The following NAV1 variants were observed in gnomAD, a reference collection of about 807,000 sequenced individuals.
NAV1 encodes neuron navigator 1.
In NAV1, 18 loss-of-function variants were observed where a neutral mutation model predicts 175.2. The observed-to-expected ratio is 0.10, with a 90% CI of 0.07 to 0.15. NAV1 has a LOEUF of 0.15. NAV1 is among the 10% of genes least tolerant of loss of function. The probability of loss-of-function intolerance (pLI) is 1.00; values close to 1 mark genes in which losing one functional copy is unlikely to be tolerated. For missense variants in NAV1, 1,731 were observed against 2,436.6 expected, an observed-to-expected ratio of 0.71 and a Z score of 6.10; for synonymous variants, 897 against 978.7, an observed-to-expected ratio of 0.92 and a Z score of 1.56.
chr1:201,648,815 G>T (rs1478791203), exon 1 of NAV1: 16 of 1,573,388 alleles, frequency 1.0e-5, no homozygotes, highest in Non-Finnish European at 1.2e-5. Flanking sequence ...GCGCCAAGGC[G>T]CCCGGCGGCG....
chr1:201,652,556 A>G (rs1442896124), intron 1 of NAV1, among the ~76,000 whole-genome samples: 3 of 152,202 alleles, frequency 2.0e-5, no homozygotes, highest in South Asian at 2.1e-4. Context: ...GAAAGGCCAC[A>G]AGGCCCTTGG....
intron 3 of NAV1, among the ~76,000 whole-genome samples, chr1:201,746,993 C>CAAA (rs35001839): frequency 7.5e-6 from 1 of 132,790 alleles, no homozygotes; most frequent in African/African-American, 2.9e-5. Flanking sequence ...GACCCTGTCT[C>CAAA]AAAAAAAAAA....
chr1:201,664,532 A>G (rs1465818653), intron 1 of NAV1, among the ~76,000 whole-genome samples: 1 of 152,248 alleles, frequency 6.6e-6, no homozygotes, highest in East Asian at 1.9e-4. Flanking sequence ...CTAGCAAATG[A>G]AAAGCGCCCC....
chr1:201,540,859 C>T (rs541331787), intron 1 of NAV1, among the ~76,000 whole-genome samples: 1 of 152,302 alleles, frequency 6.6e-6, no homozygotes, highest in East Asian at 1.9e-4. Context: ...ATGTCTCTGT[C>T]CTGGTTTTCA....
At chr1:201,599,096 C>A (rs1208149782) in intron 2 of NAV1, among the ~76,000 whole-genome samples, 1 of 152,218 alleles carries the variant, frequency 6.6e-6, no homozygotes, top group Non-Finnish European at 1.5e-5. Flanking sequence ...CAGTCACCCA[C>A]CCTGACAGCC....
At chr1:201,648,604 G>T in exon 1 of NAV1, 1 of 783,944 alleles carries the variant, frequency 1.3e-6, no homozygotes, top group Non-Finnish European at 1.7e-6. Context: ...CTGCGCTCCC[G>T]CCCCCTGCCC....
intron 2 of NAV1, among the ~76,000 whole-genome samples, chr1:201,604,438 G>T (rs1356445887): frequency 5.9e-5 from 9 of 152,172 alleles, no homozygotes; most frequent in Admixed American, 1.3e-4. Flanking sequence ...TAACACTTTG[G>T]GAGGCCGAGG....
chr1:201,698,743 A>C (rs1671288853), intron 1 of NAV1, among the ~76,000 whole-genome samples: 1 of 152,212 alleles, frequency 6.6e-6, no homozygotes, highest in African/African-American at 2.4e-5. Context: ...GGTTCTGCGA[A>C]AGGAAGTGAT....
intron 1 of NAV1, among the ~76,000 whole-genome samples, chr1:201,546,918 A>AG (rs1665689307): frequency 6.6e-6 from 1 of 151,958 alleles, no homozygotes; most frequent in Admixed American, 6.6e-5. Flanking sequence ...AAAAAAAAAA[A>AG]AAAGTAATTT....
chr1:201,725,075 G>A (rs1672545168), intron 3 of NAV1, among the ~76,000 whole-genome samples: 1 of 152,190 alleles, frequency 6.6e-6, no homozygotes, highest in African/African-American at 2.4e-5. Flanking sequence ...AGAAGGAGCT[G>A]CATTCACTGC....
intron 3 of NAV1, among the ~76,000 whole-genome samples, chr1:201,739,103 CTG>C (rs1158181642): frequency 2.0e-5 from 3 of 152,162 alleles, no homozygotes; most frequent in African/African-American, 7.2e-5. Flanking sequence ...CTGGATCCCA[CTG>C]TTTTTTTCCT....
chr1:201,803,793 T>A, intron 16 of NAV1, 79 bp downstream of exon 20: 1 of 1,535,832 alleles, frequency 6.5e-7, no homozygotes, highest in African/African-American at 1.4e-5. Flanking sequence ...ATCGAATCCT[T>A]CCAGGATTAA....
At chr1:201,733,425 A>G (rs1224733016) in intron 3 of NAV1, 4 of 152,336 alleles carry the variant, frequency 2.6e-5, no homozygotes, top group East Asian at 3.9e-4. Context: ...TTGGCAGCAC[A>G]TATACTAAAA....
chr1:201,564,125 A>AGGAG (rs61111615), intron 1 of NAV1, among the ~76,000 whole-genome samples: 43,653 of 148,122 alleles, frequency 0.29, 8,787 homozygotes, highest in African/African-American at 0.57. Context: ...AAAGGAAAGA[A>AGGAG]GGAGGGAGGG....
rs566368402 is a variant in NAV1 at position 201,666,205 on chromosome 1, C to T, written c.757+16780C>T. Among the ~76,000 whole-genome samples the T allele has an allele frequency of 4.6e-5, 7 of 152,250 alleles. No homozygotes were observed. The East Asian group carries it at 7.8e-4, about 17-fold the overall frequency. On this transcript the variant is annotated intron_variant, in intron 1 of 29. Transcript: ENST00000367296. ...CCCATGGAGAAGGCTGGGAAGCCAG[C>T]ACCTCCTTCTCCATCTCTACCTCCC... is the stretch of plus-strand genomic sequence containing the variant.
intron 3 of NAV1, among the ~76,000 whole-genome samples, chr1:201,770,315 A>G (rs1675492102): frequency 6.6e-6 from 1 of 152,124 alleles, no homozygotes; most frequent in Non-Finnish European, 1.5e-5. Flanking sequence ...GAGGAGATGG[A>G]TGCATCAGAG....
chr1:201,648,759 G>T (rs999193114), exon 1 of NAV1: 11 of 1,402,050 alleles, frequency 7.8e-6, no homozygotes, highest in Non-Finnish European at 1.0e-5. Context: ...GCGGGGCGCC[G>T]GCAGGAAGGC....
chr1:201,645,754 G>T (rs546189970), upstream of NAV1, among the ~76,000 whole-genome samples: 4 of 152,214 alleles, frequency 2.6e-5, no homozygotes, highest in African/African-American at 9.6e-5. Flanking sequence ...GTCTGCTAAG[G>T]AGAAGATGAA....
In NAV1 at chr1:201,810,250, T is replaced by A; in HGVS notation, c.4561+145T>A. ...TTAAGTAATGTGAGATATAAAAAGA[T>A]GAGTAAGACCCAGTCCTAACTTTGG... On this transcript the variant is annotated intron_variant, in intron 23 of 29. Coordinates refer to ENST00000367296, the Ensembl canonical transcript of NAV1. This position sits in a 1 kb window ranked among gnomAD's most constrained non-coding sequence, Gnocchi z 6.0. 8.1e-7 allele frequency: 1 copy of A among 1,229,374 alleles called. No homozygotes were observed. The highest frequency in any genetic ancestry group is 1.5e-5 in the South Asian group (1 of 65,510). 76.2% of individuals were successfully genotyped at this position (1,229,374 alleles called of 1,614,324 possible).
Sources: allele counts gnomAD v4.1 joint callset (sites outside exome capture counted in the v4.1 genomes callset), GRCh38; gene constraint gnomAD v4.1.1; non-coding constraint Gnocchi (gnomAD v3.1); transcripts MANE v1.5; gene names NCBI Gene and HGNC (gene_info 2026-07-23, HGNC 2026-07-21).